The following TMPRSS2 variants were observed in gnomAD, a reference collection of about 807,000 sequenced individuals.
The protein encoded by TMPRSS2 is transmembrane serine protease 2.
TMPRSS2 carries 59 observed loss-of-function variants against 67.4 expected under a neutral mutation model. The ratio of observed to expected loss-of-function variants is 0.88; its 90% CI spans 0.71 to 1.09. The LOEUF (loss-of-function observed/expected upper bound fraction) is 1.09. TMPRSS2 is among the 50% of genes least tolerant of loss of function. TMPRSS2 has a pLI of 0.00. For missense variants in TMPRSS2, 668 were observed against 642.7 expected (o/e 1.04, Z -0.43); for synonymous variants, 257 against 257.0 (o/e 1.00, Z 0.00).
chr21:41,488,144 C>A, intron 5 of TMPRSS2: 1 of 361,642 alleles, frequency 2.8e-6, no homozygotes, highest in East Asian at 3.9e-5. Context: ...CTTCCTGTGG[C>A]AGTTCAGAGC....
intron 1 of TMPRSS2, among the ~76,000 whole-genome samples, chr21:41,505,693 C>T (rs749995136): frequency 1.3e-5 from 2 of 152,204 alleles, no homozygotes; most frequent in Non-Finnish European, 2.9e-5. Flanking sequence ...AGGAACAAGC[C>T]CTTTTCAATC....
chr21:41,472,986 G>A (rs569259137), intron 9 of TMPRSS2, among the ~76,000 whole-genome samples: 38 of 152,284 alleles, frequency 2.5e-4, no homozygotes, highest in South Asian at 1.0e-3. Flanking sequence ...TGGGACTAGC[G>A]TCCCGGAGAC....
At chr21:41,480,693 C>T in intron 5 of TMPRSS2, 91 bp from the exon 6 acceptor site, 1 of 1,528,550 alleles carries the variant, frequency 6.5e-7, no homozygotes. Flanking sequence ...GGCTGAAGTG[C>T]AGTGGTCTGA....
intron 1 of TMPRSS2, among the ~76,000 whole-genome samples, chr21:41,506,777 C>T (rs2091460811): frequency 6.6e-6 from 1 of 152,210 alleles, no homozygotes; most frequent in Non-Finnish European, 1.5e-5. Context: ...TTAGGTTTTC[C>T]AAATGCCTTG....
Position 41,471,093 on chromosome 21 carries a change from C to T in TMPRSS2, c.1076-350G>A, listed in dbSNP as rs148509204. 2.4e-3 allele frequency among the ~76,000 whole-genome samples: 367 copies of T among 152,346 alleles called. 1 individual carries two copies. The highest frequency in any genetic ancestry group is 8.0e-3 in the African/African-American group (332 of 41,580). On this transcript the variant is annotated intron_variant, in intron 10 of 13. Coordinates refer to ENST00000332149, the MANE Select transcript of TMPRSS2 (RefSeq NM_005656.4). ...GAGTCAATGGAGTCAGCTTTCGCCC[C>T]AGAGGCACCACGCCATTGCTCAGGC...
At chr21:41,489,444 G>T in intron 4 of TMPRSS2, 63 bp downstream of exon 4, 2 of 1,423,458 alleles carry the variant, frequency 1.4e-6, no homozygotes, top group Non-Finnish European at 2.0e-6. Context: ...AGAGAGCAGG[G>T]TCTGGCTCAG....
chr21:41,504,994 G>A (rs1045511841), intron 1 of TMPRSS2, among the ~76,000 whole-genome samples: 13 of 152,140 alleles, frequency 8.5e-5, no homozygotes, highest in Admixed American at 2.0e-4. Flanking sequence ...GGAGTGCAGA[G>A]CAGGAGGGAC....
At chr21:41,488,291 G>C in intron 5 of TMPRSS2, 103 bp downstream of exon 5, 1 of 1,361,188 alleles carries the variant, frequency 7.3e-7, no homozygotes, top group South Asian at 1.3e-5. Flanking sequence ...ATGTGTCAGC[G>C]TACTGGACGC....
At chr21:41,475,973 C>T (rs1019073490) in intron 8 of TMPRSS2, among the ~76,000 whole-genome samples, 1 of 151,966 alleles carries the variant, frequency 6.6e-6, no homozygotes, top group Non-Finnish European at 1.5e-5. Context: ...GACCACGGCC[C>T]CACGACAGCA....
chr21:41,483,562 C>T (rs567504414), intron 5 of TMPRSS2, among the ~76,000 whole-genome samples: 22 of 142,630 alleles, frequency 1.5e-4, no homozygotes, highest in South Asian at 5.0e-4. Flanking sequence ...TCCCAAAGTG[C>T]GGGGATTACA....
chr21:41,503,591 A>G (rs570441750), intron 1 of TMPRSS2, among the ~76,000 whole-genome samples: 1 of 152,342 alleles, frequency 6.6e-6, no homozygotes, highest in South Asian at 2.1e-4. Flanking sequence ...CAGAATCATG[A>G]TCAGAATTTC....
chr21:41,465,494 G>C lies in TMPRSS2; in HGVS notation c.*648C>G. ...CCTGCACCAGGAGTGCTCAGGGCAA[G>C]TTCCTTTTCAATTGCTTCCCTCGCA... is the stretch of plus-strand genomic sequence containing the variant. On this transcript the variant is annotated 3_prime_UTR_variant, in exon 14 of 14. Coordinates refer to ENST00000332149, the MANE Select transcript of TMPRSS2 (RefSeq NM_005656.4). 4.3e-6 allele frequency: 1 copy of C among 233,416 alleles called. No homozygotes were observed. The highest frequency in any genetic ancestry group is 2.2e-5 in the African/African-American group (1 of 45,472). 14.5% of individuals were successfully genotyped at this position (233,416 alleles called of 1,614,324 possible). A position where few individuals can be genotyped will look rare whatever the true frequency, so the allele number is the denominator to read the frequency against.
At chr21:41,476,030 C>G (rs2091209869) in intron 8 of TMPRSS2, among the ~76,000 whole-genome samples, 1 of 152,082 alleles carries the variant, frequency 6.6e-6, no homozygotes, top group Admixed American at 6.5e-5. Context: ...CATTTGCAAA[C>G]AGTTTGGAAA....
intron 8 of TMPRSS2, 147 bp from the exon 9 acceptor site, chr21:41,473,643 G>C: frequency 1.1e-6 from 1 of 910,790 alleles, no homozygotes; most frequent in African/African-American, 1.7e-5. Flanking sequence ...GCTCCTGGGG[G>C]TCTCCTCTTG....
chr21:41,497,002 G>A (rs1356764750), intron 2 of TMPRSS2, among the ~76,000 whole-genome samples: 1 of 151,644 alleles, frequency 6.6e-6, no homozygotes, highest in African/African-American at 2.4e-5. Flanking sequence ...CACCACACCC[G>A]GCTAATTTTT....
chr21:41,477,990 C>T (rs953081299), intron 7 of TMPRSS2, among the ~76,000 whole-genome samples: 2 of 152,162 alleles, frequency 1.3e-5, no homozygotes, highest in African/African-American at 2.4e-5. Context: ...TGCCAAGGGA[C>T]GGCAGCACCT....
chr21:41,466,860 A>T (rs867251667), intron 13 of TMPRSS2, among the ~76,000 whole-genome samples: 1 of 152,162 alleles, frequency 6.6e-6, no homozygotes, highest in Non-Finnish European at 1.5e-5. Flanking sequence ...AGATGAGAAG[A>T]TCTGGTTCTC....
chr21:41,507,915 G>T, intron 1 of TMPRSS2, 166 bp downstream of exon 1: 2 of 1,493,114 alleles, frequency 1.3e-6, no homozygotes, highest in South Asian at 1.2e-5. Context: ...GCCCTGCCCG[G>T]CTGGCCCCAG....
At position 41,496,714 on chromosome 21, in the gene TMPRSS2, G is replaced by A. The variant is rs914184; in HGVS notation, c.15+1405C>T. ...TCTTCCCCTTCTTTCAGCTCTCCCC[G>A]GTTACCTGTTGGCTGGGCCACTCTG... On this transcript the variant is annotated intron_variant, in intron 2 of 13. Coordinates refer to ENST00000332149, the MANE Select transcript of TMPRSS2 (RefSeq NM_005656.4). 1.8e-3 allele frequency among the ~76,000 whole-genome samples: 268 copies of A among 151,710 alleles called. 7 individuals are homozygous for A. In the East Asian group the frequency reaches 0.047, roughly 26 times the overall value.
Sources: gnomAD v4.1 joint callset for allele counts (sites outside exome capture counted in the v4.1 genomes callset) on GRCh38, gnomAD v4.1.1 for gene constraint, MANE v1.5 for transcripts, NCBI Gene and HGNC (gene_info 2026-07-23, HGNC 2026-07-21) for gene names.